Variants in MAML3 observed in about 807,000 individuals in gnomAD.
The protein encoded by MAML3 is mastermind-like protein 3.
MAML3 carries 27 observed loss-of-function variants against 101.9 expected under a neutral mutation model. The observed-to-expected ratio is 0.27, with a 90% CI of 0.20 to 0.37. The LOEUF (loss-of-function observed/expected upper bound fraction) is 0.37, where lower values mean the gene tolerates loss of function less well. MAML3 is among the 10% of genes least tolerant of loss of function. MAML3 has a pLI of 1.00. For missense variants in MAML3, 1,316 were observed against 1,444.9 expected (o/e 0.91, Z 1.45); for synonymous variants, 501 against 555.9 (o/e 0.90, Z 1.39).
intron 1 of MAML3, among the ~76,000 whole-genome samples, chr4:140,074,199 GAGAAAGAAAGAAAGAAAGAA>G (rs57126361): frequency 0.024 from 1,953 of 81,984 alleles, 24 homozygotes; most frequent in African/African-American, 0.027. Context: ...GAGAAAGAAA[GAGAAAGAAAGAAAGAAAGAA>G]AGAAAGAAAG....
At chr4:139,992,078 A>G (rs1430229228) in intron 1 of MAML3, among the ~76,000 whole-genome samples, 1 of 152,168 alleles carries the variant, frequency 6.6e-6, no homozygotes, top group Non-Finnish European at 1.5e-5. Context: ...GGCCTTTTCT[A>G]GACATTTCAC....
chr4:140,006,545 C>T (rs1349408407), intron 1 of MAML3, among the ~76,000 whole-genome samples: 1 of 144,314 alleles, frequency 6.9e-6, no homozygotes, highest in Non-Finnish European at 1.5e-5. Flanking sequence ...GAGATGGCGC[C>T]GCTGCACGCC....
At chr4:139,801,633 G>GGGGTGTGTGTGTGTGTGTGTGTGTGTGT (rs1553957606) in intron 2 of MAML3, among the ~76,000 whole-genome samples, 1 of 146,394 alleles carries the variant, frequency 6.8e-6, no homozygotes, top group African/African-American at 2.6e-5. Context: ...GCAGGAACAG[G>GGGGTGTGTGTGTGTGTGTGTGTGTGTGT]GTGTGTGTGG....
At chr4:139,729,947 C>T (rs1728633754) in intron 3 of MAML3, among the ~76,000 whole-genome samples, 1 of 152,190 alleles carries the variant, frequency 6.6e-6, no homozygotes, top group African/African-American at 2.4e-5. Flanking sequence ...TGCTATTGTT[C>T]CTGATCCATT....
intron 2 of MAML3, among the ~76,000 whole-genome samples, chr4:139,810,235 C>T (rs1374514160): frequency 6.8e-6 from 1 of 147,382 alleles, no homozygotes; most frequent in Non-Finnish European, 1.5e-5. Context: ...CTCTGTCACC[C>T]AGGCTGGAGT....
In MAML3 at chr4:139,906,074, T is replaced by C. The variant is rs72931686; in HGVS notation, c.469-15107A>G. Among the ~76,000 whole-genome samples, 1,114 of 152,308 alleles carry C rather than the reference T, an allele frequency of 7.3e-3. 8 individuals carry two copies. The highest frequency in any genetic ancestry group is 0.025 in the African/African-American group (1,053 of 41,554). On this transcript the variant is annotated intron_variant, in intron 1 of 4. Transcript: ENST00000509479. ...CAAGTAACTCAACAACTGCTATTGGTTCAGAGTTTAACAATATGTATACTC... is the reference window on the plus strand; with the variant it reads ...CAAGTAACTCAACAACTGCTATTGGCTCAGAGTTTAACAATATGTATACTC...
At chr4:139,831,608 C>T (rs1731163767) in intron 2 of MAML3, among the ~76,000 whole-genome samples, 1 of 152,130 alleles carries the variant, frequency 6.6e-6, no homozygotes, top group African/African-American at 2.4e-5. Flanking sequence ...TCTCACCTGA[C>T]AAAGGAACCA....
intron 2 of MAML3, among the ~76,000 whole-genome samples, chr4:139,850,154 A>G (rs1277776874): frequency 6.6e-6 from 1 of 151,842 alleles, no homozygotes; most frequent in Non-Finnish European, 1.5e-5. Flanking sequence ...CTGATATCAC[A>G]ATTAAAAAAA....
intron 1 of MAML3, among the ~76,000 whole-genome samples, chr4:140,081,440 A>G (rs1727860770): frequency 1.3e-5 from 2 of 152,208 alleles, no homozygotes; most frequent in Admixed American, 1.3e-4. Flanking sequence ...TGCTTACTGA[A>G]ATAAAGCTTT....
intron 1 of MAML3, among the ~76,000 whole-genome samples, chr4:140,040,553 C>T (rs1045233088): frequency 6.6e-6 from 1 of 152,214 alleles, no homozygotes; most frequent in Admixed American, 6.5e-5. Flanking sequence ...TTGGGCGCCA[C>T]ACTAAAATAT....
At chr4:139,878,956 G>A (rs1732167638) in intron 2 of MAML3, among the ~76,000 whole-genome samples, 1 of 152,120 alleles carries the variant, frequency 6.6e-6, no homozygotes, top group African/African-American at 2.4e-5. Context: ...CTTAAATCCT[G>A]AGACAGAAAA....
intron 1 of MAML3, among the ~76,000 whole-genome samples, chr4:140,109,498 G>T (rs6820015): frequency 0.6 from 91,176 of 151,964 alleles, 27,722 homozygotes; most frequent in African/African-American, 0.69. Context: ...CATTAACACA[G>T]TAGATCAAGG....
chr4:139,789,684 AT>A (rs999277497), intron 2 of MAML3, among the ~76,000 whole-genome samples: 35 of 150,614 alleles, frequency 2.3e-4, no homozygotes, highest in South Asian at 1.7e-3. Flanking sequence ...GTGATATATA[AT>A]TTTTTTTTTG....
At chr4:140,065,830 G>A (rs531912308) in intron 1 of MAML3, among the ~76,000 whole-genome samples, 7 of 152,204 alleles carry the variant, frequency 4.6e-5, no homozygotes, top group South Asian at 4.2e-4. Context: ...TCACCACCAC[G>A]ATTCCCAGCA....
At chr4:139,911,135 C>T (rs1732912449) in intron 1 of MAML3, among the ~76,000 whole-genome samples, 1 of 152,194 alleles carries the variant, frequency 6.6e-6, no homozygotes, top group Non-Finnish European at 1.5e-5. Flanking sequence ...TAAGTGGAAT[C>T]ATACGATATT....
intron 1 of MAML3, among the ~76,000 whole-genome samples, chr4:140,106,142 C>T (rs2320920): frequency 7.0e-6 from 1 of 142,012 alleles, no homozygotes; most frequent in Non-Finnish European, 1.5e-5. Context: ...AAAAAAAGAG[C>T]CCCTCCTGAG....
intron 1 of MAML3, among the ~76,000 whole-genome samples, chr4:139,897,622 C>T (rs1732638593): frequency 1.3e-5 from 2 of 152,208 alleles, no homozygotes; most frequent in Non-Finnish European, 2.9e-5. Context: ...ATATGTCTCT[C>T]ATGAATTTCT....
In MAML3 at chr4:139,785,866, C is replaced by A. The variant is rs1234073454; in HGVS notation, c.2080-55199G>T. On this transcript the variant is annotated intron_variant, in intron 2 of 4. Transcript: ENST00000509479. The surrounding 1 kb of genome is among the most constrained non-coding windows in gnomAD (Gnocchi z 4.3). ...CTAATGACAATTTAATAGCGGCCTG[C>A]CACATGGTCTAGGGAAAGTAATTAA... Among the ~76,000 whole-genome samples the A allele has an allele frequency of 6.6e-6, 1 of 151,990 alleles. No homozygotes were observed. Among genetic ancestry groups the A allele is most frequent in the Admixed American group, 6.5e-5 (1 of 15,270 alleles).
chr4:139,922,854 G>C (rs1733153257), intron 1 of MAML3, among the ~76,000 whole-genome samples: 1 of 152,164 alleles, frequency 6.6e-6, no homozygotes, highest in African/African-American at 2.4e-5. Flanking sequence ...AGCCAAGATG[G>C]AGCAGAGGGC....
Sources: gnomAD v4.1 joint callset for allele counts (sites outside exome capture counted in the v4.1 genomes callset) on GRCh38, gnomAD v4.1.1 for gene constraint, Gnocchi (gnomAD v3.1) non-coding constraint, MANE v1.5 for transcripts, NCBI Gene and HGNC (gene_info 2026-07-23, HGNC 2026-07-21) for gene names.